The following NAALADL2 variants were observed in gnomAD, a reference collection of about 807,000 sequenced individuals.
NAALADL2 encodes the protein inactive N-acetylated-alpha-linked acidic dipeptidase-like protein 2.
A neutral mutation model predicts 87.2 loss-of-function variants in NAALADL2; 76 were observed. The ratio of observed to expected loss-of-function variants is 0.87; its 90% CI spans 0.72 to 1.05. The LOEUF (loss-of-function observed/expected upper bound fraction) is 1.05. Among genes scored for constraint, NAALADL2 ranks in the 50% least tolerant of loss-of-function variants. The pLI, the probability that NAALADL2 is intolerant of heterozygous loss-of-function variation, is 0.00. For synonymous variants in NAALADL2, 354 were observed against 331.0 expected (o/e 1.07, Z -0.75); for missense variants, 1,089 against 945.8 (o/e 1.15, Z -1.99).
intron 2 of NAALADL2, among the ~76,000 whole-genome samples, chr3:174,614,515 T>C (rs184867422): frequency 1.3e-5 from 2 of 152,256 alleles, no homozygotes; most frequent in East Asian, 3.9e-4. Context: ...ATTTTTGTGC[T>C]CTCCCTTTCC....
At chr3:174,520,135 C>G (rs1040680200) in intron 1 of NAALADL2, among the ~76,000 whole-genome samples, 7 of 152,154 alleles carry the variant, frequency 4.6e-5, no homozygotes, top group African/African-American at 1.7e-4. Flanking sequence ...AGTGACCATA[C>G]TGCCTAAAGT....
rs192864689 is a variant in NAALADL2, at chr3:175,309,119, A to C, written c.940-15056A>C. Among the ~76,000 whole-genome samples the C allele has an allele frequency of 7.9e-5, 12 of 152,360 alleles. No individual in the cohort carries two copies. The South Asian group carries it at 1.0e-3, about 13-fold the overall frequency. On this transcript the variant is annotated intron_variant, in intron 4 of 13. Coordinates refer to ENST00000454872, the MANE Select transcript of NAALADL2 (RefSeq NM_207015.3). ...ATAGATCCCTTCTTTTTAATGAAGA[A>C]AAATGAATAATAAAGTAACAAATTT...
rs376787007 is a variant in NAALADL2 at position 174,472,902 on chromosome 3, C to T, written c.-184+31870C>T. Among the ~76,000 whole-genome samples, 24 of 152,094 alleles carry T rather than the reference C, an allele frequency of 1.6e-4. No homozygotes were observed. The East Asian group carries it at 3.7e-3, about 23-fold the overall frequency. ...CTTTGCCATATTTGTGTTTATTGTG[C>T]AGTATCATTACGTTCAATGAGTAGG... On this transcript the variant is annotated intron_variant, in intron 1 of 3. Coordinates refer to the NAALADL2 transcript ENST00000434257.
At chr3:175,148,994 T>C (rs1339285489) in intron 2 of NAALADL2, among the ~76,000 whole-genome samples, 1 of 152,178 alleles carries the variant, frequency 6.6e-6, no homozygotes, top group East Asian at 1.9e-4. Context: ...AAAATAATAT[T>C]TCTAGTTTCA....
chr3:175,021,169 G>T (rs1182086645), intron 1 of NAALADL2, among the ~76,000 whole-genome samples: 1 of 151,998 alleles, frequency 6.6e-6, no homozygotes, highest in Non-Finnish European at 1.5e-5. Context: ...AAGGTCTCCT[G>T]TGTTTAGTCG....
chr3:175,442,165 G>T (rs1382272852), intron 5 of NAALADL2, among the ~76,000 whole-genome samples: 1 of 151,906 alleles, frequency 6.6e-6, no homozygotes, highest in Non-Finnish European at 1.5e-5. Flanking sequence ...GGCTGTTCTC[G>T]ATCTCCTGAC....
chr3:174,684,491 A>G (rs2108835638), intron 2 of NAALADL2, among the ~76,000 whole-genome samples: 1 of 152,260 alleles, frequency 6.6e-6, no homozygotes, highest in African/African-American at 2.4e-5. Flanking sequence ...GCATGTAATC[A>G]GAAGGAATAT....
At chr3:175,776,766 T>C (rs180765051) in intron 13 of NAALADL2, among the ~76,000 whole-genome samples, 2 of 152,202 alleles carry the variant, frequency 1.3e-5, no homozygotes, top group East Asian at 3.9e-4. Context: ...TTAACAGAGA[T>C]ACAGTGGATA....
intron 2 of NAALADL2, among the ~76,000 whole-genome samples, chr3:174,642,811 T>C (rs2108736088): frequency 6.7e-6 from 1 of 148,596 alleles, no homozygotes; most frequent in Admixed American, 6.7e-5. Flanking sequence ...TGAAACTGGA[T>C]CTCACTCTCT....
chr3:174,527,987 A>C (rs1004165799), intron 1 of NAALADL2, among the ~76,000 whole-genome samples: 1 of 152,224 alleles, frequency 6.6e-6, no homozygotes, highest in African/African-American at 2.4e-5. Context: ...ACAGCCATGC[A>C]CATTCATTTA....
chr3:175,650,371 G>T (rs997902150), intron 11 of NAALADL2, among the ~76,000 whole-genome samples: 2 of 152,150 alleles, frequency 1.3e-5, no homozygotes, highest in African/African-American at 4.8e-5. Context: ...AATTTTTTTA[G>T]AGGATGGGAG....
chr3:174,874,578 G>T (rs566168982), intron 1 of NAALADL2, among the ~76,000 whole-genome samples: 1 of 152,198 alleles, frequency 6.6e-6, no homozygotes, highest in Admixed American at 6.5e-5. Flanking sequence ...GGGGCTCTAG[G>T]GTGTGAGGGC....
chr3:175,054,374 T>C (rs1005707874), intron 1 of NAALADL2, among the ~76,000 whole-genome samples: 30 of 152,202 alleles, frequency 2.0e-4, no homozygotes, highest in Admixed American at 8.5e-4. Flanking sequence ...TCTATGACTA[T>C]TAAGGGCCAA....
At chr3:174,582,754 A>G (rs574034737) in intron 2 of NAALADL2, among the ~76,000 whole-genome samples, 4 of 151,850 alleles carry the variant, frequency 2.6e-5, no homozygotes, top group African/African-American at 4.8e-5. Context: ...ACTAATTTTT[A>G]TATTTTTTTA....
chr3:174,729,796 CAT>C (rs779322384), intron 2 of NAALADL2, among the ~76,000 whole-genome samples: 11 of 151,926 alleles, frequency 7.2e-5, no homozygotes, highest in Non-Finnish European at 5.9e-5. Context: ...ATAATAGTAA[CAT>C]AATAACCTCC....
intron 1 of NAALADL2, among the ~76,000 whole-genome samples, chr3:174,936,337 C>A (rs1737679665): frequency 6.6e-6 from 1 of 151,862 alleles, no homozygotes; most frequent in Non-Finnish European, 1.5e-5. Flanking sequence ...AGAATTATTT[C>A]TTATATAATA....
chr3:175,614,118 T>A (rs537580367), intron 10 of NAALADL2, among the ~76,000 whole-genome samples: 3 of 152,268 alleles, frequency 2.0e-5, no homozygotes, highest in Admixed American at 6.5e-5. Context: ...AGTGGCACAA[T>A]CTCAGCTCAC....
intron 3 of NAALADL2, among the ~76,000 whole-genome samples, chr3:175,250,253 CTGTGTGTGTGTGTG>C (rs147841608): frequency 0.027 from 4,007 of 146,178 alleles, 165 homozygotes; most frequent in African/African-American, 0.096. Flanking sequence ...CTCACTTTTT[CTGTGTGTGTGTGTG>C]TGTGTGTGTG....
intron 5 of NAALADL2, among the ~76,000 whole-genome samples, chr3:175,348,328 T>C (rs1763375825): frequency 1.3e-5 from 2 of 152,126 alleles, no homozygotes; most frequent in Admixed American, 1.3e-4. Flanking sequence ...AAAAGGTTAG[T>C]TCTATACATA....
Sources: allele counts gnomAD v4.1 joint callset (sites outside exome capture counted in the v4.1 genomes callset), GRCh38; gene constraint gnomAD v4.1.1; transcripts MANE v1.5; gene names NCBI Gene and HGNC (gene_info 2026-07-23, HGNC 2026-07-21).